The following TAFA5 variants were observed in gnomAD, a reference collection of about 807,000 sequenced individuals.
TAFA5 encodes chemokine-like protein TAFA-5.
A neutral mutation model predicts 15.3 loss-of-function variants in TAFA5; 6 were observed. The observed-to-expected ratio is 0.39, with a 90% CI of 0.21 to 0.77. TAFA5 has a LOEUF of 0.77. Among genes scored for constraint, TAFA5 ranks in the 30% least tolerant of loss-of-function variants. TAFA5 has a pLI of 0.41. For synonymous variants in TAFA5, 103 were observed against 80.7 expected, an observed-to-expected ratio of 1.28 and a Z score of -1.48; for missense variants, 161 against 193.1, an observed-to-expected ratio of 0.83 and a Z score of 0.98.
At chr22:48,518,614 C>A (rs946894420) in intron 1 of TAFA5, among the ~76,000 whole-genome samples, 2 of 152,218 alleles carry the variant, frequency 1.3e-5, no homozygotes, top group East Asian at 1.9e-4. Flanking sequence ...ACCCTCCAGC[C>A]TGGGAGGCGG....
chr22:48,509,160 G>A (rs1192730880), intron 1 of TAFA5, among the ~76,000 whole-genome samples: 3 of 152,212 alleles, frequency 2.0e-5, no homozygotes, highest in African/African-American at 7.2e-5. Flanking sequence ...CTTTACGGCT[G>A]AATACTACTC....
In TAFA5 at chr22:48,694,867, C is replaced by G. The variant is rs75534003; in HGVS notation, c.263-12850C>G. Among the ~76,000 whole-genome samples, 421 of 145,546 alleles carry G rather than the reference C, an allele frequency of 2.9e-3. 3 individuals are homozygous for G. The highest frequency in any genetic ancestry group is 0.01 in the African/African-American group (401 of 39,090). On this transcript the variant is annotated intron_variant, in intron 2 of 3. Coordinates refer to ENST00000402357, the MANE Select transcript of TAFA5 (RefSeq NM_001082967.3). ...CCCCCGCCGCTCCAGACTTCCACCC[C>G]CACCTGCCTGTGAGCCTTCCTGCCC...
chr22:48,561,296 G>A (rs1013452954), intron 1 of TAFA5, among the ~76,000 whole-genome samples: 6 of 152,116 alleles, frequency 3.9e-5, no homozygotes, highest in Admixed American at 6.5e-5. Flanking sequence ...TCTCCCGTCC[G>A]CAGGGATAGC....
At chr22:48,667,382 G>A (rs922554591) in intron 2 of TAFA5, among the ~76,000 whole-genome samples, 1 of 152,204 alleles carries the variant, frequency 6.6e-6, no homozygotes, top group East Asian at 1.9e-4. Flanking sequence ...GAGGAAGGGA[G>A]GAAAGATTGG....
At chr22:48,627,352 G>A (rs1462313027) in intron 1 of TAFA5, among the ~76,000 whole-genome samples, 1 of 152,242 alleles carries the variant, frequency 6.6e-6, no homozygotes, top group African/African-American at 2.4e-5. Flanking sequence ...GCAGCTGCAG[G>A]TCTGGGGGTG....
chr22:48,502,811 C>A (rs2147096905), intron 1 of TAFA5, among the ~76,000 whole-genome samples: 1 of 152,294 alleles, frequency 6.6e-6, no homozygotes, highest in African/African-American at 2.4e-5. Context: ...CATGAGCCAC[C>A]ACCGCACCTG....
chr22:48,507,424 C>T (rs996697752), intron 1 of TAFA5, among the ~76,000 whole-genome samples: 2 of 152,190 alleles, frequency 1.3e-5, no homozygotes, highest in African/African-American at 4.8e-5. Context: ...CAACCCGGAG[C>T]CCTGGGGGGC....
intron 2 of TAFA5, among the ~76,000 whole-genome samples, chr22:48,683,095 C>G (rs1388168504): frequency 6.6e-6 from 1 of 152,166 alleles, no homozygotes; most frequent in Admixed American, 6.5e-5. Flanking sequence ...TTTAATTCTA[C>G]TTAAGTTATA....
intron 2 of TAFA5, among the ~76,000 whole-genome samples, chr22:48,669,377 G>A (rs1015237104): frequency 4.6e-5 from 7 of 152,332 alleles, no homozygotes; most frequent in South Asian, 2.1e-4. Context: ...CCTTGGCCCC[G>A]GGGTAGCCCC....
intron 2 of TAFA5, among the ~76,000 whole-genome samples, chr22:48,682,314 G>A (rs940364076): frequency 3.9e-5 from 6 of 152,210 alleles, no homozygotes; most frequent in African/African-American, 7.2e-5. Context: ...ATGGCAGATG[G>A]CACCTGGGTG....
chr22:48,516,164 G>A (rs1353893810), intron 1 of TAFA5, among the ~76,000 whole-genome samples: 1 of 152,186 alleles, frequency 6.6e-6, no homozygotes, highest in Non-Finnish European at 1.5e-5. Context: ...GCTACCCAAA[G>A]ACTAATTAAA....
At chr22:48,622,385 T>G (rs528295070) in intron 1 of TAFA5, among the ~76,000 whole-genome samples, 1 of 152,180 alleles carries the variant, frequency 6.6e-6, no homozygotes, top group Non-Finnish European at 1.5e-5. Flanking sequence ...CCCCAGACGC[T>G]TGTTAGAAAA....
At chr22:48,703,679 C>G (rs548873234) in intron 2 of TAFA5, among the ~76,000 whole-genome samples, 11 of 152,380 alleles carry the variant, frequency 7.2e-5, no homozygotes, top group Admixed American at 1.3e-4. Flanking sequence ...CAGCCCAGAG[C>G]ATGAGCTTCG....
At chr22:48,712,762 C>G (rs898279236) in intron 3 of TAFA5, among the ~76,000 whole-genome samples, 1 of 152,222 alleles carries the variant, frequency 6.6e-6, no homozygotes, top group Non-Finnish European at 1.5e-5. Flanking sequence ...GCTCCTGCTC[C>G]CTGGGGACAG....
At chr22:48,734,458 G>A (rs747490861) in intron 3 of TAFA5, among the ~76,000 whole-genome samples, 1 of 152,238 alleles carries the variant, frequency 6.6e-6, no homozygotes, top group Non-Finnish European at 1.5e-5. Context: ...CTTTGGAACG[G>A]AAGACTCACC....
chr22:48,689,244 G>A (rs1225422552), intron 2 of TAFA5, among the ~76,000 whole-genome samples: 3 of 152,148 alleles, frequency 2.0e-5, no homozygotes, highest in Non-Finnish European at 4.4e-5. Flanking sequence ...CGTATGCAGC[G>A]GGGAGTGTGG....
At chr22:48,649,539 T>G (rs922257443) in intron 2 of TAFA5, among the ~76,000 whole-genome samples, 1 of 152,214 alleles carries the variant, frequency 6.6e-6, no homozygotes, top group African/African-American at 2.4e-5. Flanking sequence ...AGAAGGCATC[T>G]GATTAAACAC....
At chr22:48,749,816 C>A in intron 3 of TAFA5, 23 bp from the exon 4 acceptor site, 1 of 1,503,034 alleles carries the variant, frequency 6.7e-7, no homozygotes, top group South Asian at 1.2e-5. Flanking sequence ...GAGGCTCACC[C>A]TCTCTCTCTC....
At chr22:48,523,990 C>A (rs560368972) in intron 1 of TAFA5, among the ~76,000 whole-genome samples, 62 of 152,330 alleles carry the variant, frequency 4.1e-4, no homozygotes, top group African/African-American at 1.3e-3. Context: ...GTGGTCCCAA[C>A]CTGCCCCGGG....
Sources: gnomAD v4.1 joint callset for allele counts (sites outside exome capture counted in the v4.1 genomes callset) on GRCh38, gnomAD v4.1.1 for gene constraint, MANE v1.5 for transcripts, NCBI Gene and HGNC (gene_info 2026-07-23, HGNC 2026-07-21) for gene names.